The following RNF182 variants were observed in gnomAD, a reference collection of about 807,000 sequenced individuals.
RNF182 encodes E3 ubiquitin-protein ligase RNF182.
In RNF182, 15 loss-of-function variants were observed where a neutral mutation model predicts 14.4. The ratio of observed to expected loss-of-function variants is 1.04; its 90% CI spans 0.70 to 1.60. The LOEUF (loss-of-function observed/expected upper bound fraction) is 1.60. Ranked by LOEUF, RNF182 falls within the 40% of genes most tolerant of loss-of-function variation. RNF182 has a pLI of 0.00. For missense variants in RNF182, 268 were observed against 294.8 expected, an observed-to-expected ratio of 0.91 and a Z score of 0.67; for synonymous variants, 128 against 122.9, an observed-to-expected ratio of 1.04 and a Z score of -0.27.
rs554688223 is a variant in RNF182, at chr6:13,977,021, G to A, written c.-99G>A. 373 of 1,294,680 alleles carry A rather than the reference G, an allele frequency of 2.9e-4. 4 individuals are homozygous for A. The highest frequency in any genetic ancestry group is 3.6e-5 in the Non-Finnish European group (34 of 938,998). The allele number at this position is 1,294,680 out of a possible 1,614,324, so 80.2% of individuals were successfully genotyped here. ...ACTACTTATCCTGCCTTTTTGCATC[G>A]CTGCCAGATTTGGATGATATGATAT... On this transcript the variant is annotated 5_prime_UTR_variant, in exon 3 of 3. Coordinates refer to ENST00000488300, the MANE Select transcript of RNF182 (RefSeq NM_152737.4).
chr6:13,974,088 A>G (rs997959120), intron 1 of RNF182, 122 bp from the exon 2 acceptor site: 1 of 152,190 alleles, frequency 6.6e-6, no homozygotes, highest in Admixed American at 6.5e-5. Flanking sequence ...TTATTATTCA[A>G]GTTCTTTGAG....
chr6:13,953,817 C>T (rs1047238832), intron 1 of RNF182, among the ~76,000 whole-genome samples: 1 of 152,130 alleles, frequency 6.6e-6, no homozygotes, highest in African/African-American at 2.4e-5. Flanking sequence ...TGGGCTCCCC[C>T]TCTAGACTGT....
intron 1 of RNF182, among the ~76,000 whole-genome samples, chr6:13,935,144 A>AG (rs1171894901): frequency 6.6e-6 from 1 of 152,172 alleles, no homozygotes; most frequent in Admixed American, 6.5e-5. Context: ...GGAAGATGCA[A>AG]GGGGGCAAGA....
chr6:13,928,342 T>C (rs1010722789), intron 1 of RNF182, among the ~76,000 whole-genome samples: 3 of 152,220 alleles, frequency 2.0e-5, no homozygotes, highest in African/African-American at 7.2e-5. Flanking sequence ...TCCTTCTATA[T>C]ATTCTATGTT....
intron 1 of RNF182, among the ~76,000 whole-genome samples, chr6:13,934,072 G>A (rs1395839692): frequency 1.3e-5 from 2 of 152,098 alleles, no homozygotes; most frequent in Non-Finnish European, 2.9e-5. Flanking sequence ...AAAAAGTAAT[G>A]TTGTATTTGC....
At chr6:13,929,596 C>T (rs1320005198) in intron 1 of RNF182, among the ~76,000 whole-genome samples, 1 of 152,206 alleles carries the variant, frequency 6.6e-6, no homozygotes, top group Non-Finnish European at 1.5e-5. Context: ...ATGGGCCAGA[C>T]ACTTTTCTAA....
intron 1 of RNF182, among the ~76,000 whole-genome samples, chr6:13,929,827 T>G (rs1266404422): frequency 6.6e-6 from 1 of 152,192 alleles, no homozygotes; most frequent in Non-Finnish European, 1.5e-5. Context: ...ATGACACTAA[T>G]TATTATGCTT....
intron 1 of RNF182, among the ~76,000 whole-genome samples, chr6:13,945,845 A>G (rs918324553): frequency 6.6e-5 from 10 of 152,146 alleles, no homozygotes; most frequent in Admixed American, 3.9e-4. Context: ...ACCAGACCTC[A>G]AGAGAGGGTT....
intron 1 of RNF182, among the ~76,000 whole-genome samples, chr6:13,973,472 A>G (rs971133087): frequency 6.6e-6 from 1 of 152,136 alleles, no homozygotes; most frequent in African/African-American, 2.4e-5. Context: ...CTGACCTTAT[A>G]TTGTAATAAT....
At chr6:13,954,959 G>C (rs1410056333) in intron 1 of RNF182, among the ~76,000 whole-genome samples, 1 of 152,178 alleles carries the variant, frequency 6.6e-6, no homozygotes, top group East Asian at 1.9e-4. Flanking sequence ...CCCTCCCTTT[G>C]TTGTGTGAAG....
chr6:13,925,847 G>T (rs907017777), intron 1 of RNF182, among the ~76,000 whole-genome samples: 15 of 152,294 alleles, frequency 9.8e-5, no homozygotes, highest in Admixed American at 5.2e-4. Context: ...ACCACGATGC[G>T]GTTGCCACTG....
intron 1 of RNF182, among the ~76,000 whole-genome samples, chr6:13,938,484 T>C (rs1332099540): frequency 6.6e-6 from 1 of 152,194 alleles, no homozygotes; most frequent in East Asian, 1.9e-4. Context: ...CTTCTTTTAA[T>C]GTTAGTGCTT....
intron 1 of RNF182, among the ~76,000 whole-genome samples, chr6:13,954,714 T>G (rs2113619769): frequency 6.6e-6 from 1 of 152,284 alleles, no homozygotes. Context: ...TCCTTGCAAT[T>G]TATTTATTGA....
chr6:13,956,378 G>A (rs572876587), intron 1 of RNF182, among the ~76,000 whole-genome samples: 17 of 151,306 alleles, frequency 1.1e-4, no homozygotes, highest in Non-Finnish European at 2.4e-4. Context: ...AGGCTGGAGT[G>A]CAATGGTGTG....
rs537018394 is a variant in RNF182, at chr6:13,934,663, C to G, written c.-367+9640C>G. Among the ~76,000 whole-genome samples, 5 of 152,320 alleles carry G rather than the reference C, an allele frequency of 3.3e-5. No homozygotes were observed. In the East Asian group the frequency reaches 5.8e-4, roughly 18 times the overall value. ...GACTGAACTGTGATCCACGCATGAGCTCTTAATGCTGGCTGGCAGCTCCAT... is the reference window on the plus strand; with the variant it reads ...GACTGAACTGTGATCCACGCATGAGGTCTTAATGCTGGCTGGCAGCTCCAT... On this transcript the variant is annotated intron_variant, in intron 1 of 2. Transcript: ENST00000488300.
At chr6:13,976,094 G>A (rs528528137) in intron 2 of RNF182, among the ~76,000 whole-genome samples, 1 of 152,310 alleles carries the variant, frequency 6.6e-6, no homozygotes, top group Non-Finnish European at 1.5e-5. Context: ...TAAAGTAGAT[G>A]AGTAAGTGAA....
intron 1 of RNF182, among the ~76,000 whole-genome samples, chr6:13,955,646 C>T (rs906978941): frequency 6.6e-6 from 1 of 152,214 alleles, no homozygotes; most frequent in Non-Finnish European, 1.5e-5. Flanking sequence ...GCCCTTGATG[C>T]ATTATGTGCT....
At chr6:13,954,497 G>A (rs2113619384) in intron 1 of RNF182, among the ~76,000 whole-genome samples, 1 of 151,918 alleles carries the variant, frequency 6.6e-6, no homozygotes, top group Middle Eastern at 3.4e-3. Context: ...CTTTGAATGT[G>A]GTTCAACAAA....
At chr6:13,932,638 A>G (rs781449124) in intron 1 of RNF182, among the ~76,000 whole-genome samples, 53 of 152,342 alleles carry the variant, frequency 3.5e-4, no homozygotes, top group Middle Eastern at 3.4e-3. Flanking sequence ...AATATTGTAT[A>G]GACATAGTCA....
Sources: gnomAD v4.1 joint callset for allele counts (sites outside exome capture counted in the v4.1 genomes callset) on GRCh38, gnomAD v4.1.1 for gene constraint, MANE v1.5 for transcripts, NCBI Gene and HGNC (gene_info 2026-07-23, HGNC 2026-07-21) for gene names.